The following SLC22A5 variants were observed in gnomAD, a reference collection of about 807,000 sequenced individuals.
SLC22A5 encodes the protein organic cation/carnitine transporter 2.
A neutral mutation model predicts 56.7 loss-of-function variants in SLC22A5; 44 were observed. That is an observed-to-expected ratio of 0.78 (90% CI 0.61 to 1.00). SLC22A5 has a LOEUF of 1.00. Ranked by LOEUF, SLC22A5 falls within the 50% of genes least tolerant of loss-of-function variation. The pLI is 0.00. For synonymous variants in SLC22A5, 278 were observed against 292.1 expected, an observed-to-expected ratio of 0.95 and a Z score of 0.49; for missense variants, 675 against 723.0, an observed-to-expected ratio of 0.93 and a Z score of 0.76.
chr5:132,390,157 C>T (rs1330759275), intron 6 of SLC22A5: 3 of 198,326 alleles, frequency 1.5e-5, no homozygotes, highest in African/African-American at 2.4e-5. Flanking sequence ...ACAAGTACCG[C>T]GGGGCTGGTG....
intron 1 of SLC22A5, chr5:132,376,625 C>G (rs1351666432): frequency 2.0e-5 from 3 of 152,224 alleles, no homozygotes; most frequent in African/African-American, 7.2e-5. Context: ...CATATGGGTC[C>G]CCAACCCTCA....
chr5:132,378,356 A>AC, intron 1 of SLC22A5, 22 bp from the exon 2 acceptor site: 1 of 1,611,896 alleles, frequency 6.2e-7, no homozygotes, highest in South Asian at 1.1e-5. Flanking sequence ...TGAATGATAC[A>AC]CCCCCTTTGC....
At chr5:132,392,724 C>A in intron 8 of SLC22A5, 109 bp downstream of exon 8, 1 of 905,830 alleles carries the variant, frequency 1.1e-6, no homozygotes, top group Non-Finnish European at 1.8e-6. Flanking sequence ...TCATACAGTA[C>A]ATGGGCTCCA....
In SLC22A5 at chr5:132,370,251, G is replaced by C. The variant is rs377734902; in HGVS notation, c.279G>C (p.Ser93=). 1,172 of 1,578,882 alleles carry C rather than the reference G, an allele frequency of 7.4e-4. 2 individuals carry two copies. Among genetic ancestry groups the C allele is most frequent in the South Asian group, 9.1e-4 (79 of 87,106 alleles). ...GGCTCGCCACCATCGCCAACTTCTC[G>C]GCGCTTGGGCTGGAGCCGGGGCGCG... is the stretch of plus-strand genomic sequence containing the variant. ...RYRLATIANF[S]ALGLEPGRDV... is the part of the protein sequence containing the mutation. Residue 93 remains serine (S), a synonymous_variant, in exon 1 of 10, where the codon TCG becomes TCC. Coordinates refer to ENST00000245407, the MANE Select transcript of SLC22A5 (RefSeq NM_003060.4).
Position 132,395,320 on chromosome 5 carries a change from C to T in SLC22A5, c.*1048C>T, listed in dbSNP as rs1752839538. The T allele has an allele frequency of 6.7e-6, 1 of 150,232 alleles. No individual in the cohort carries two copies. The highest frequency in any genetic ancestry group is 6.7e-5 in the Admixed American group (1 of 15,008). 9.3% of individuals were successfully genotyped at this position (150,232 alleles called of 1,614,324 possible). A position where few individuals can be genotyped will look rare whatever the true frequency, so the allele number is the denominator to read the frequency against. On this transcript the variant is annotated 3_prime_UTR_variant, in exon 10 of 10. Transcript: ENST00000245407. ...CTAGCACTTCTCTAAGTGCCAAAAACAGTGTCATTGTGTGTGTTCCTTTCT... is the reference window on the plus strand; with the variant it reads ...CTAGCACTTCTCTAAGTGCCAAAAATAGTGTCATTGTGTGTGTTCCTTTCT...
At position 132,371,043 on chromosome 5, in the gene SLC22A5, G is replaced by A. The variant is rs1209122238; in HGVS notation, c.393+678G>A. Among the ~76,000 whole-genome samples the A allele has an allele frequency of 2.7e-5, 4 of 149,772 alleles. 1 individual carries two copies. Among genetic ancestry groups the A allele is most frequent in the Non-Finnish European group, 5.9e-5 (4 of 67,334 alleles). On this transcript the variant is annotated intron_variant, in intron 1 of 9. Transcript: ENST00000245407. Reference sequence around the variant, plus strand: ...CTCACTGCAACCTTCGCAGTCGTGCGTTCTTGGCTCACTGCAATCTTCGCC... The same window carrying A: ...CTCACTGCAACCTTCGCAGTCGTGCATTCTTGGCTCACTGCAATCTTCGCC...
intron 6 of SLC22A5, chr5:132,389,754 G>A (rs1752641145): frequency 6.5e-6 from 1 of 154,994 alleles, no homozygotes; most frequent in Non-Finnish European, 1.4e-5. Context: ...GCCTACTGAG[G>A]GAGTGCTATG....
chr5:132,390,749 A>G lies in SLC22A5; in HGVS notation c.1112A>G (p.Asp371Gly), dbSNP rs1409873849. Residue 371 changes from aspartate to glycine, a missense_variant, in exon 7 of 10, where the codon GAC (aspartate) becomes GGC (glycine). Coordinates refer to ENST00000245407, the MANE Select transcript of SLC22A5 (RefSeq NM_003060.4). ...CTTGATACTCCTAACTTGCATGGGG[A>G]CATCTTTGTGAACTGCTTCCTTTCA... ...LSLDTPNLHG[D>G]IFVNCFLSAM... The G allele has an allele frequency of 6.2e-7, 1 of 1,614,028 alleles. No homozygotes were observed. The highest frequency in any genetic ancestry group is 2.2e-5 in the East Asian group (1 of 44,904).
chr5:132,384,545 C>T (rs1056493359), intron 3 of SLC22A5, among the ~76,000 whole-genome samples: 12 of 152,182 alleles, frequency 7.9e-5, no homozygotes, highest in Non-Finnish European at 1.5e-5. Context: ...GGCCTCTGGG[C>T]TGTGGCTCCT....
In SLC22A5 at chr5:132,388,909, T is replaced by A. The variant is rs1292933623; in HGVS notation, c.952-12T>A. The A allele has an allele frequency of 6.4e-7, 1 of 1,571,510 alleles. No homozygotes were observed. The highest frequency in any genetic ancestry group is 2.2e-5 in the East Asian group (1 of 44,682). ...CTCTTCTTCCCATACACTTATGATG[T>A]TGTTCCTGCAGTTACAAGACCTAAG... On this transcript the variant is annotated splice_polypyrimidine_tract_variant and intron_variant, in intron 5 of 9. Coordinates refer to ENST00000245407, the MANE Select transcript of SLC22A5 (RefSeq NM_003060.4).
chr5:132,371,094 C>T (rs1204996186), intron 1 of SLC22A5, among the ~76,000 whole-genome samples: 1 of 152,098 alleles, frequency 6.6e-6, no homozygotes, highest in African/African-American at 2.4e-5. Context: ...ATTCTCCTGC[C>T]TCAGTCTCCG....
chr5:132,371,222 C>G (rs2631364), intron 1 of SLC22A5, among the ~76,000 whole-genome samples: 43,451 of 151,882 alleles, frequency 0.29, 6,930 homozygotes, highest in South Asian at 0.56. Flanking sequence ...GCTTCTGCCT[C>G]CAAAGCTGGG....
At chr5:132,382,221 C>T (rs1752369313) in intron 2 of SLC22A5, 1 of 152,148 alleles carries the variant, frequency 6.6e-6, no homozygotes, top group South Asian at 2.1e-4. Flanking sequence ...AACTCTTCCA[C>T]ATAGTTGCAA....
In SLC22A5 at chr5:132,387,048, G is replaced by A; in HGVS notation, c.848G>A (p.Trp283Ter). 6.2e-7 allele frequency: 1 copy of A among 1,614,134 alleles called. No individual in the cohort carries two copies. The highest frequency in any genetic ancestry group is 8.5e-7 in the Non-Finnish European group (1 of 1,179,986). ...LWWFIPESPR[W>*]LISQGRFEEA... ...AGGTTCATCCCTGAGTCCCCCCGAT[G>A]GCTCATCTCTCAGGGACGATTTGAA... The change falls in exon 5 of 10, where the codon TGG becomes TAG. Residue 283 changes from tryptophan (W) to a stop codon, truncating the protein, a stop_gained. Coordinates refer to ENST00000245407, the MANE Select transcript of SLC22A5 (RefSeq NM_003060.4). LOFTEE classifies it high-confidence loss of function.
chr5:132,385,381 T>C lies in SLC22A5; in HGVS notation c.706T>C (p.Cys236Arg), dbSNP rs747050292. The change falls in exon 4 of 10, where the codon TGC becomes CGC. Residue 236 changes from cysteine (C) to arginine (R), a missense_variant. By Grantham distance (180) the Cys-to-Arg change is radical (BLOSUM62 -3). Coordinates refer to ENST00000245407, the MANE Select transcript of SLC22A5 (RefSeq NM_003060.4). ...VRIIFSTLGV[C>R]IFYAFGYMVL... Reference sequence around the variant, plus strand: ...TATAATATTCTCTACGTTAGGAGTGTGCATATTTTATGCATTTGGCTACAT... The same window carrying C: ...TATAATATTCTCTACGTTAGGAGTGCGCATATTTTATGCATTTGGCTACAT... 5 of 1,614,036 alleles carry C rather than the reference T, an allele frequency of 3.1e-6. No individual in the cohort carries two copies. The Admixed American group carries it at 8.3e-5, about 27-fold the overall frequency.
chr5:132,390,696 C>CA lies in SLC22A5; in HGVS notation c.1060dup (p.Ile354AsnfsTer11), dbSNP rs1752666026. On this transcript the variant is annotated frameshift_variant, in exon 7 of 10. Coordinates refer to ENST00000245407, the MANE Select transcript of SLC22A5 (RefSeq NM_003060.4). LOFTEE classifies it high-confidence loss of function. ...CTTCTGCACTCTGTTTCAGGATGAC[C>CA]ATATCAGTGGGCTATTTTGGGCTTT... 1 of 1,612,092 alleles carries CA rather than the reference C, an allele frequency of 6.2e-7. No homozygotes were observed. Among genetic ancestry groups the CA allele is most frequent in the Non-Finnish European group, 8.5e-7 (1 of 1,178,102 alleles).
chr5:132,392,783 G>A (rs1408747603), intron 8 of SLC22A5, among the ~76,000 whole-genome samples, 168 bp downstream of exon 8: 1 of 152,186 alleles, frequency 6.6e-6, no homozygotes, highest in East Asian at 1.9e-4. Context: ...CAGTGCACTG[G>A]CCCTCACTTT....
At chr5:132,373,001 T>G (rs951940519) in intron 1 of SLC22A5, among the ~76,000 whole-genome samples, 2 of 152,238 alleles carry the variant, frequency 1.3e-5, no homozygotes, top group African/African-American at 4.8e-5. Flanking sequence ...ATTTTTTTAA[T>G]TTGTTCAAGT....
intron 6 of SLC22A5, chr5:132,390,472 A>G (rs1752659348): frequency 3.2e-6 from 2 of 620,998 alleles, no homozygotes; most frequent in Admixed American, 4.9e-5. Flanking sequence ...GAAGGCTCTG[A>G]GAGCGCACTG....
Sources: allele counts gnomAD v4.1 joint callset (sites outside exome capture counted in the v4.1 genomes callset), GRCh38; gene constraint gnomAD v4.1.1; transcripts MANE v1.5; gene names NCBI Gene and HGNC (gene_info 2026-07-23, HGNC 2026-07-21).